Variants in TLK1 observed in about 807,000 individuals in gnomAD.
The protein encoded by TLK1 is serine/threonine-protein kinase tousled-like 1.
TLK1 carries 24 observed loss-of-function variants against 105.3 expected under a neutral mutation model. The observed-to-expected ratio is 0.23, with a 90% CI of 0.17 to 0.32. The LOEUF (loss-of-function observed/expected upper bound fraction) is 0.32. Ranked by LOEUF, TLK1 falls within the 10% of genes least tolerant of loss-of-function variation. TLK1 has a pLI of 1.00. For missense variants in TLK1, 558 were observed against 910.5 expected (o/e 0.61, Z 4.98); for synonymous variants, 321 against 310.4 (o/e 1.03, Z -0.36).
intron 1 of TLK1, among the ~76,000 whole-genome samples, chr2:171,213,611 T>C (rs986477005): frequency 1.3e-5 from 2 of 151,178 alleles, no homozygotes; most frequent in African/African-American, 4.9e-5. Context: ...ATAGTAAGAA[T>C]TACTTTCTAC....
intron 4 of TLK1, 51 bp from the exon 5 acceptor site, chr2:171,058,248 A>G (rs1335982557): frequency 6.5e-7 from 1 of 1,546,182 alleles, no homozygotes; most frequent in Admixed American, 1.7e-5. Context: ...GGGCATCAAA[A>G]AAATATTAAG....
chr2:171,136,049 C>T (rs1337106187), intron 1 of TLK1, among the ~76,000 whole-genome samples: 2 of 152,100 alleles, frequency 1.3e-5, no homozygotes, highest in African/African-American at 4.8e-5. Context: ...TCACGATACC[C>T]AAGAAGTGGA....
At chr2:171,040,747 T>C (rs1428399474) in intron 11 of TLK1, among the ~76,000 whole-genome samples, 2 of 152,128 alleles carry the variant, frequency 1.3e-5, no homozygotes, top group Non-Finnish European at 1.5e-5. Context: ...TGGCTAATTT[T>C]TTATTTTTTG....
intron 2 of TLK1, among the ~76,000 whole-genome samples, chr2:171,107,789 T>C (rs1020337037): frequency 1.3e-5 from 2 of 152,162 alleles, no homozygotes; most frequent in African/African-American, 2.4e-5. Flanking sequence ...CCAGGCGCAG[T>C]GGCTCAGGCC....
intron 1 of TLK1, among the ~76,000 whole-genome samples, chr2:171,226,604 T>C (rs1200974349): frequency 1.3e-5 from 2 of 152,164 alleles, no homozygotes; most frequent in African/African-American, 4.8e-5. Flanking sequence ...GGGAAAGCAC[T>C]TCCAGAAGCA....
chr2:171,014,331 G>GT (rs1685068930), intron 13 of TLK1, among the ~76,000 whole-genome samples: 1 of 151,342 alleles, frequency 6.6e-6, no homozygotes, highest in African/African-American at 2.4e-5. Flanking sequence ...ATAAAGCAAG[G>GT]TAACGATATT....
At chr2:171,102,728 G>T (rs929036389) in intron 2 of TLK1, among the ~76,000 whole-genome samples, 9 of 152,076 alleles carry the variant, frequency 5.9e-5, no homozygotes, top group African/African-American at 2.2e-4. Flanking sequence ...TACCATTCAA[G>T]GTTTTTGCCT....
intron 1 of TLK1, among the ~76,000 whole-genome samples, chr2:171,136,716 T>C (rs999879368): frequency 6.6e-6 from 1 of 152,234 alleles, no homozygotes; most frequent in Non-Finnish European, 1.5e-5. Context: ...TCTTGATCTA[T>C]GAAAAGTCAG....
At chr2:171,103,708 T>G (rs143128340) in intron 2 of TLK1, among the ~76,000 whole-genome samples, 1 of 152,208 alleles carries the variant, frequency 6.6e-6, no homozygotes, top group African/African-American at 2.4e-5. Flanking sequence ...ATTGCTTCCA[T>G]CTTATATAAT....
intron 8 of TLK1, among the ~76,000 whole-genome samples, chr2:171,052,901 G>T (rs2105434017): frequency 6.6e-6 from 1 of 152,234 alleles, no homozygotes; most frequent in South Asian, 2.1e-4. Flanking sequence ...AAAGTTATCT[G>T]GGAGAGCCTT....
intron 2 of TLK1, among the ~76,000 whole-genome samples, chr2:171,103,831 T>C (rs1489757134): frequency 6.6e-6 from 1 of 152,234 alleles, no homozygotes; most frequent in African/African-American, 2.4e-5. Flanking sequence ...AAAAGTTCTA[T>C]GTATAGCAGA....
Position 171,196,049 on chromosome 2 carries a change from A to AAAAG in TLK1, c.-6+35092_-6+35095dup, listed in dbSNP as rs1553488739. ...TGAGACTCTGTATCAAAAAAAAAAA[A>AAAAG]AAAGAAAGAAAGAAAAAGGAAGGAA... On this transcript the variant is annotated intron_variant, in intron 1 of 20. Transcript: ENST00000521943. 8.7e-4 allele frequency among the ~76,000 whole-genome samples: 131 copies of AAAAG among 150,570 alleles called. 2 individuals carry two copies. The highest frequency in any genetic ancestry group is 3.0e-3 in the African/African-American group (125 of 41,134).
At chr2:171,165,503 C>T (rs186107249), upstream of TLK1, among the ~76,000 whole-genome samples, 2 of 152,260 alleles carry the variant, frequency 1.3e-5, no homozygotes, top group Admixed American at 1.3e-4. Context: ...AAAATATTTA[C>T]AAAGCATCCA....
intron 1 of TLK1, among the ~76,000 whole-genome samples, chr2:171,167,276 TCTTC>T: frequency 6.6e-6 from 1 of 152,358 alleles, no homozygotes; most frequent in South Asian, 2.1e-4. Flanking sequence ...TATTGGGCCT[TCTTC>T]CTTCTTATCA....
chr2:171,160,699 G>T lies in TLK1; in HGVS notation c.-271C>A. ...CAGAGGAGAGGAGGAGGAAAGGAGC[G>T]CGGCGGCGGAGGCGTCGAGGGGGTG... On this transcript the variant is annotated 5_prime_UTR_variant, in exon 1 of 21. Coordinates refer to ENST00000431350, the MANE Select transcript of TLK1 (RefSeq NM_012290.5). The surrounding 1 kb of genome is among the most constrained non-coding windows in gnomAD (Gnocchi z 4.4). 2.0e-6 allele frequency: 1 copy of T among 494,176 alleles called. No individual in the cohort carries two copies. The allele number at this position is 494,176 out of a possible 1,614,324, so 30.6% of individuals were successfully genotyped here.
chr2:171,225,833 C>G (rs1257402275), intron 1 of TLK1, among the ~76,000 whole-genome samples: 1 of 152,156 alleles, frequency 6.6e-6, no homozygotes, highest in Non-Finnish European at 1.5e-5. Flanking sequence ...AACTGAGAAT[C>G]AGCCATTTTT....
chr2:171,181,995 A>C (rs1469299461), intron 1 of TLK1, among the ~76,000 whole-genome samples: 3 of 152,140 alleles, frequency 2.0e-5, no homozygotes. Context: ...AAGATCACTT[A>C]CTGAACCTAC....
intron 11 of TLK1, among the ~76,000 whole-genome samples, chr2:171,042,407 G>C (rs917582181): frequency 1.3e-5 from 2 of 151,926 alleles, no homozygotes; most frequent in South Asian, 2.1e-4. Context: ...ACCACACTTG[G>C]CTAATTTTTT....
rs1345463537 is a variant in TLK1 at position 170,992,783 on chromosome 2, C to G, written c.*997G>C. 1 of 152,344 alleles carries G rather than the reference C, an allele frequency of 6.6e-6. No homozygotes were observed. The highest frequency in any genetic ancestry group is 1.9e-4 in the East Asian group (1 of 5,184). 9.4% of individuals were successfully genotyped at this position (152,344 alleles called of 1,614,324 possible). A position where few individuals can be genotyped will look rare whatever the true frequency, so the allele number is the denominator to read the frequency against. ...CATTTAGCAGCAATTAGAGTGCCTT[C>G]AAGAAGACTTAAAAAAAATACAATA... On this transcript the variant is annotated 3_prime_UTR_variant, in exon 21 of 21. Transcript: ENST00000431350.
Sources: allele counts gnomAD v4.1 joint callset (sites outside exome capture counted in the v4.1 genomes callset), GRCh38; gene constraint gnomAD v4.1.1; non-coding constraint Gnocchi (gnomAD v3.1); transcripts MANE v1.5; gene names NCBI Gene and HGNC (gene_info 2026-07-23, HGNC 2026-07-21).